DMD: variants seen among roughly 807,000 people sequenced by gnomAD.
DMD encodes the protein mutant dystrophin.
Under a neutral mutation model 330.1 loss-of-function variants are expected in DMD, and 63 were observed. That is an observed-to-expected ratio of 0.19 (90% confidence interval 0.16 to 0.24). DMD has a LOEUF of 0.24. Among genes scored for constraint, DMD ranks in the 10% least tolerant of loss-of-function variants. DMD has a pLI of 1.00. For synonymous variants in DMD, 1,223 were observed against 959.8 expected, an observed-to-expected ratio of 1.27 and a Z score of -5.07; for missense variants, 3,344 against 2,684.1, an observed-to-expected ratio of 1.25 and a Z score of -5.43.
intron 1 of DMD, among the ~76,000 whole-genome samples, chrX:33,268,471 TAAA>T (rs1163784815): frequency 9.0e-6 from 1 of 111,186 alleles, no homozygotes. Flanking sequence ...AGTCTAATAT[TAAA>T]AAATGGACAA....
intron 52 of DMD, among the ~76,000 whole-genome samples, chrX:31,692,985 T>C (rs1290479908): frequency 8.9e-6 from 1 of 111,841 alleles, no homozygotes; most frequent in Non-Finnish European, 1.9e-5. Context: ...AAGAAAACTA[T>C]AGGCCAATAT....
At chrX:31,889,641 TCTCTCTCA>T (rs1175796239) in intron 47 of DMD, among the ~76,000 whole-genome samples, 26 of 68,720 alleles carry the variant, frequency 3.8e-4, no homozygotes, top group Middle Eastern at 6.9e-3. Flanking sequence ...TCTCTCTCTC[TCTCTCTCA>T]CACACACACA....
In DMD at chrX:32,390,189, G is replaced by A. The variant is rs750002088; in HGVS notation, c.4234-8C>T. On this transcript the variant is annotated splice_region_variant and splice_polypyrimidine_tract_variant and intron_variant, in intron 30 of 78. Transcript: ENST00000357033. ...CAAATCAGATTGGATTTTCTGTTGGGAGGATAGCATTATTAGTCAGCATGC... is the reference window on the plus strand; with the variant it reads ...CAAATCAGATTGGATTTTCTGTTGGAAGGATAGCATTATTAGTCAGCATGC... 8.7e-7 allele frequency: 1 copy of A among 1,149,929 alleles called. No homozygotes were observed. The highest frequency in any genetic ancestry group is 1.8e-5 in the South Asian group (1 of 55,504). The allele number at this position is 1,149,929 out of a possible 1,213,427, so 94.8% of individuals were successfully genotyped here. A position where few individuals can be genotyped will look rare whatever the true frequency, so the allele number is the denominator to read the frequency against.
intron 1 of DMD, among the ~76,000 whole-genome samples, chrX:33,125,723 T>C (rs2148510802): frequency 8.9e-6 from 1 of 111,865 alleles, no homozygotes; most frequent in African/African-American, 3.2e-5. Context: ...ATAGTTTCAG[T>C]TTTCAAACTG....
rs767883985 is a variant in DMD at position 32,480,894 on chromosome X, G to A, written c.2803+4025C>T. Among the ~76,000 whole-genome samples the A allele has an allele frequency of 3.6e-3, 393 of 110,656 alleles. 2 individuals are homozygous for A. The highest frequency in any genetic ancestry group is 0.012 in the African/African-American group (375 of 30,598). On this transcript the variant is annotated intron_variant, in intron 21 of 78. Coordinates refer to ENST00000357033, the MANE Select transcript of DMD (RefSeq NM_004006.3). ...AAACAGTTTACCTAGTTTCTGGAGT[G>A]AAGGAGCAATGCAACAGATTATGTG...
At chrX:33,262,115 G>T (rs1166900607) in intron 1 of DMD, among the ~76,000 whole-genome samples, 1 of 111,217 alleles carries the variant, frequency 9.0e-6, no homozygotes, top group East Asian at 2.8e-4. Flanking sequence ...AAAGCATGTA[G>T]AAATTAAAAT....
intron 11 of DMD, among the ~76,000 whole-genome samples, chrX:32,641,036 G>A (rs1175642636): frequency 2.7e-4 from 30 of 111,142 alleles, no homozygotes; most frequent in Non-Finnish European, 1.9e-5. Flanking sequence ...TTGGGCCTTT[G>A]CATTAGCTGT....
chrX:31,920,574 C>A (rs2094676890), intron 47 of DMD, among the ~76,000 whole-genome samples: 1 of 112,194 alleles, frequency 8.9e-6, no homozygotes, highest in Non-Finnish European at 1.9e-5. Context: ...TTTATTATGT[C>A]ATTTCTTCTC....
chrX:33,200,869 T>C (rs1006129740), intron 1 of DMD, among the ~76,000 whole-genome samples: 2 of 108,103 alleles, frequency 1.9e-5, no homozygotes, highest in Non-Finnish European at 3.8e-5. Context: ...TACTAGTTAG[T>C]TACTGGACAA....
intron 44 of DMD, among the ~76,000 whole-genome samples, chrX:32,085,605 T>TATATATAC (rs1184784241): frequency 6.2e-4 from 60 of 96,980 alleles, no homozygotes; most frequent in African/African-American, 2.3e-3. Flanking sequence ...TGTATATATG[T>TATATATAC]GTATATATAT....
intron 55 of DMD, among the ~76,000 whole-genome samples, chrX:31,574,051 T>C (rs2075960869): frequency 9.1e-6 from 1 of 110,164 alleles, no homozygotes; most frequent in Admixed American, 9.7e-5. Context: ...GAAAGTGACA[T>C]AGCTAGTGTT....
intron 12 of DMD, among the ~76,000 whole-genome samples, chrX:32,603,282 T>C (rs1170671062): frequency 9.0e-6 from 1 of 110,850 alleles, no homozygotes; most frequent in Non-Finnish European, 1.9e-5. Context: ...GACAATGAAA[T>C]CAAGGAAGAA....
chrX:31,827,085 G>A (rs1165947438), intron 49 of DMD, among the ~76,000 whole-genome samples: 1 of 112,019 alleles, frequency 8.9e-6, no homozygotes, highest in Non-Finnish European at 1.9e-5. Context: ...ACAAGAAAAA[G>A]TGATTTCTGA....
In DMD at chrX:32,214,267, C is replaced by T. The variant is rs184379947; in HGVS notation, c.6438+2649G>A. 4.9e-3 allele frequency among the ~76,000 whole-genome samples: 520 copies of T among 106,758 alleles called. 2 individuals are homozygous for T. The highest frequency in any genetic ancestry group is 0.016 in the African/African-American group (467 of 28,981). 92.7% of individuals were successfully genotyped at this position (106,758 alleles called of 115,157 possible). A position where few individuals can be genotyped will look rare whatever the true frequency, so the allele number is the denominator to read the frequency against. On this transcript the variant is annotated intron_variant, in intron 44 of 78. Transcript: ENST00000357033. Reference sequence around the variant, plus strand: ...AAAAAAGACAAAATATATGCTACAACGGTTTTCAACACATTGAACATCAGA... The same window carrying T: ...AAAAAAGACAAAATATATGCTACAATGGTTTTCAACACATTGAACATCAGA...
In DMD at chrX:31,900,571, C is replaced by T. The variant is rs762047937; in HGVS notation, c.6913-25198G>A. ...GCCCAGTCTCGGGTATGTCTTTATC[C>T]GCAGTGTGAAAATGGACTAATACAG... On this transcript the variant is annotated intron_variant, in intron 47 of 78. Transcript: ENST00000357033. Among the ~76,000 whole-genome samples the T allele has an allele frequency of 3.6e-5, 4 of 111,220 alleles. No homozygotes were observed. In the East Asian group the frequency reaches 8.6e-4, roughly 24 times the overall value.
At chrX:32,546,683 G>T (rs1238514569) in intron 16 of DMD, among the ~76,000 whole-genome samples, 1 of 111,369 alleles carries the variant, frequency 9.0e-6, no homozygotes, top group Non-Finnish European at 1.9e-5. Flanking sequence ...TAGGCTAAAA[G>T]GATACTAAGA....
intron 2 of DMD, among the ~76,000 whole-genome samples, chrX:33,011,741 A>C (rs5927126): frequency 0.4 from 43,988 of 110,590 alleles, 6,811 homozygotes; most frequent in East Asian, 0.52. Flanking sequence ...CTCTGATAGG[A>C]TGGTACCAGA....
At chrX:32,035,019 T>A (rs767809468) in intron 44 of DMD, among the ~76,000 whole-genome samples, 28 of 112,005 alleles carry the variant, frequency 2.5e-4, no homozygotes, top group Admixed American at 2.4e-3. Flanking sequence ...TGACTTGTTC[T>A]TATATGCCAG....
intron 54 of DMD, among the ~76,000 whole-genome samples, chrX:31,657,019 T>C (rs1463094595): frequency 8.9e-6 from 1 of 111,978 alleles, no homozygotes; most frequent in Non-Finnish European, 1.9e-5. Context: ...TATCATTATC[T>C]CATTTCTCCT....
Sources: gnomAD v4.1 joint callset for allele counts (sites outside exome capture counted in the v4.1 genomes callset) on GRCh38, gnomAD v4.1.1 for gene constraint, MANE v1.5 for transcripts, NCBI Gene and HGNC (gene_info 2026-07-23, HGNC 2026-07-21) for gene names.